Variants in SLC39A11 observed in about 807,000 individuals in gnomAD.
SLC39A11 encodes the protein solute carrier family 39 member 11, also known as zinc transporter ZIP11.
Under a neutral mutation model 36.1 loss-of-function variants are expected in SLC39A11, and 33 were observed. The ratio of observed to expected loss-of-function variants is 0.91; its 90% CI spans 0.69 to 1.22. The LOEUF (loss-of-function observed/expected upper bound fraction) is 1.22. Ranked by LOEUF, SLC39A11 falls within the 50% of genes most tolerant of loss-of-function variation. The pLI, the probability that SLC39A11 is intolerant of heterozygous loss-of-function variation, is 0.00. For missense variants in SLC39A11, 432 were observed against 430.3 expected (o/e 1.00, Z -0.03); for synonymous variants, 166 against 170.3 (o/e 0.97, Z 0.20).
chr17:72,747,732 T>C (rs1345568979), intron 6 of SLC39A11, among the ~76,000 whole-genome samples: 1 of 152,180 alleles, frequency 6.6e-6, no homozygotes, highest in African/African-American at 2.4e-5. Flanking sequence ...GGCGTGTCTT[T>C]GGTTGCAAAG....
At chr17:72,820,989 C>A (rs1160946817) in intron 6 of SLC39A11, among the ~76,000 whole-genome samples, 1 of 141,436 alleles carries the variant, frequency 7.1e-6, no homozygotes, top group East Asian at 2.3e-4. Context: ...TTTTTGTTTG[C>A]AGGTAAAATA....
chr17:72,923,121 G>C (rs1359354927), intron 5 of SLC39A11, among the ~76,000 whole-genome samples: 2 of 152,082 alleles, frequency 1.3e-5, no homozygotes, highest in Non-Finnish European at 2.9e-5. Flanking sequence ...AACAAGCCTA[G>C]TGGTAGATTG....
rs188626161 is a variant in SLC39A11, at chr17:72,678,562, C to T, written c.672-29294G>A. 4.9e-3 allele frequency among the ~76,000 whole-genome samples: 751 copies of T among 152,004 alleles called. 11 individuals carry two copies. The highest frequency in any genetic ancestry group is 0.017 in the African/African-American group (715 of 41,460). Reference sequence around the variant, plus strand: ...TCTACTAAAAATACAAAAATTAGCCCGGCATGGTGGCGTGCGCCTGTAATC... The same window carrying T: ...TCTACTAAAAATACAAAAATTAGCCTGGCATGGTGGCGTGCGCCTGTAATC... On this transcript the variant is annotated intron_variant, in intron 7 of 9. Coordinates refer to ENST00000255559, the MANE Select transcript of SLC39A11 (RefSeq NM_139177.4).
At chr17:72,887,679 T>A (rs1287666470) in intron 5 of SLC39A11, among the ~76,000 whole-genome samples, 1 of 152,234 alleles carries the variant, frequency 6.6e-6, no homozygotes, top group East Asian at 1.9e-4. Context: ...TATTTCTAAT[T>A]ATATTGCAGG....
rs764195761 is a variant in SLC39A11, at chr17:73,031,748, G to A, written c.148-34C>T. On this transcript the variant is annotated intron_variant, in intron 3 of 9. Coordinates refer to ENST00000255559, the MANE Select transcript of SLC39A11 (RefSeq NM_139177.4). ...ACCACAACGAGAGATAAACGTTAAA[G>A]CAACTGCAGAAGGCTTTCCAGGCAG... 18 of 1,607,912 alleles carry A rather than the reference G, an allele frequency of 1.1e-5. 1 individual carries two copies. In the South Asian group the frequency reaches 2.0e-4, roughly 18 times the overall value.
intron 5 of SLC39A11, among the ~76,000 whole-genome samples, chr17:72,888,745 T>G (rs2081565867): frequency 6.6e-6 from 1 of 151,766 alleles, no homozygotes; most frequent in Admixed American, 6.6e-5. Context: ...CGATAAAAGA[T>G]GAAAAAATTA....
At chr17:72,856,784 A>C (rs779958192) in intron 5 of SLC39A11, among the ~76,000 whole-genome samples, 4 of 152,022 alleles carry the variant, frequency 2.6e-5, no homozygotes, top group Non-Finnish European at 5.9e-5. Flanking sequence ...AGGTTCAAGC[A>C]GTTCTCCTGC....
intron 7 of SLC39A11, among the ~76,000 whole-genome samples, chr17:72,723,678 G>A (rs2073802286): frequency 6.6e-6 from 1 of 152,174 alleles, no homozygotes. Flanking sequence ...CAGTCCTGGG[G>A]AGTGAAGAAA....
intron 5 of SLC39A11, among the ~76,000 whole-genome samples, chr17:72,920,875 C>T (rs1300981397): frequency 6.6e-6 from 1 of 151,944 alleles, no homozygotes; most frequent in Non-Finnish European, 1.5e-5. Flanking sequence ...ACATCTACAC[C>T]CCATACACAC....
chr17:72,890,762 G>A (rs572659599), intron 5 of SLC39A11, among the ~76,000 whole-genome samples: 1 of 152,282 alleles, frequency 6.6e-6, no homozygotes, highest in East Asian at 1.9e-4. Flanking sequence ...GTGAGTCTGG[G>A]TGAGATTCCA....
intron 4 of SLC39A11, among the ~76,000 whole-genome samples, chr17:73,001,637 TAGGA>T (rs1419549908): frequency 6.6e-6 from 1 of 151,256 alleles, no homozygotes; most frequent in Non-Finnish European, 1.5e-5. Flanking sequence ...AACAGAGAAA[TAGGA>T]AGGAAGAAGA....
At chr17:72,968,002 CCTT>C (rs2087142989) in intron 4 of SLC39A11, among the ~76,000 whole-genome samples, 3 of 152,124 alleles carry the variant, frequency 2.0e-5, no homozygotes, top group African/African-American at 7.2e-5. Flanking sequence ...ACCCCAGCCT[CCTT>C]CTTCTCCACC....
At chr17:72,920,662 T>C (rs8074129) in intron 5 of SLC39A11, among the ~76,000 whole-genome samples, 111,838 of 118,888 alleles carry the variant, frequency 0.94, 52,606 homozygotes, top group East Asian at 0.99. Context: ...ATGTACACCC[T>C]ATACACAAAC....
intron 5 of SLC39A11, among the ~76,000 whole-genome samples, chr17:72,876,214 G>A (rs2080890897): frequency 6.6e-6 from 1 of 152,102 alleles, no homozygotes; most frequent in South Asian, 2.1e-4. Context: ...CAAGATCAAT[G>A]GGTGGAAACA....
chr17:72,933,292 T>C (rs2084536943), intron 5 of SLC39A11, among the ~76,000 whole-genome samples: 1 of 152,118 alleles, frequency 6.6e-6, no homozygotes, highest in Non-Finnish European at 1.5e-5. Context: ...AATGAGCAAT[T>C]AGAAATTTAA....
At chr17:72,929,961 C>T (rs186884675) in intron 5 of SLC39A11, among the ~76,000 whole-genome samples, 43 of 152,236 alleles carry the variant, frequency 2.8e-4, no homozygotes, top group African/African-American at 9.1e-4. Flanking sequence ...CCTGACTTTG[C>T]GAGGATATTA....
chr17:72,753,846 C>T (rs1427756512), intron 6 of SLC39A11, among the ~76,000 whole-genome samples: 2 of 129,522 alleles, frequency 1.5e-5, no homozygotes, highest in East Asian at 2.3e-4. Flanking sequence ...CTGGATCCAG[C>T]AATCCCACTA....
At chr17:72,717,602 C>T (rs2073462491) in intron 7 of SLC39A11, among the ~76,000 whole-genome samples, 1 of 152,224 alleles carries the variant, frequency 6.6e-6, no homozygotes, top group South Asian at 2.1e-4. Context: ...TGTCATCCCT[C>T]CTTGTTTTAT....
At chr17:72,802,218 G>A (rs910322658) in intron 6 of SLC39A11, among the ~76,000 whole-genome samples, 22 of 152,204 alleles carry the variant, frequency 1.4e-4, no homozygotes, top group African/African-American at 4.6e-4. Context: ...GCCCAGGAAG[G>A]AGGTGAGGGC....
Sources: allele counts gnomAD v4.1 joint callset (sites outside exome capture counted in the v4.1 genomes callset), GRCh38; gene constraint gnomAD v4.1.1; transcripts MANE v1.5; gene names NCBI Gene and HGNC (gene_info 2026-07-23, HGNC 2026-07-21).